The following SMG6 variants were observed in gnomAD, a reference collection of about 807,000 sequenced individuals.
SMG6 encodes the protein SMG6 nonsense mediated mRNA decay factor, also known as telomerase-binding protein EST1A.
SMG6 carries 66 observed loss-of-function variants against 142.2 expected under a neutral mutation model. That is an observed-to-expected ratio of 0.46 (90% confidence interval 0.38 to 0.57). The LOEUF is 0.57. SMG6 is among the 20% of genes least tolerant of loss of function. The probability of loss-of-function intolerance (pLI) is 0.00; values close to 1 mark genes in which losing one functional copy is unlikely to be tolerated. For synonymous variants in SMG6, 779 were observed against 702.4 expected, an observed-to-expected ratio of 1.11 and a Z score of -1.72; for missense variants, 1,793 against 1,832.0, an observed-to-expected ratio of 0.98 and a Z score of 0.39.
chr17:2,258,407 A>G (rs1293324542), intron 8 of SMG6, among the ~76,000 whole-genome samples: 2 of 151,836 alleles, frequency 1.3e-5, no homozygotes, highest in Admixed American at 6.6e-5. Context: ...ATCACAAAAA[A>G]ATTAGCTGGG....
At chr17:2,236,354 AG>A in intron 10 of SMG6, 137 bp downstream of exon 10, 1 of 688,000 alleles carries the variant, frequency 1.5e-6, no homozygotes, top group South Asian at 2.4e-5. Context: ...AGACAATGGT[AG>A]GAAGCGTAGG....
At chr17:2,160,946 G>C (rs2071157440) in intron 13 of SMG6, among the ~76,000 whole-genome samples, 1 of 151,988 alleles carries the variant, frequency 6.6e-6, no homozygotes, top group Non-Finnish European at 1.5e-5. Flanking sequence ...AAAAGTACCA[G>C]GGCAGAAGTT....
intron 13 of SMG6, among the ~76,000 whole-genome samples, chr17:2,148,238 T>C (rs567870139): frequency 1.2e-4 from 18 of 152,222 alleles, no homozygotes; most frequent in South Asian, 8.3e-4. Context: ...AGAGCAACCA[T>C]AGGATTCAGC....
intron 10 of SMG6, among the ~76,000 whole-genome samples, chr17:2,205,099 C>T (rs117756797): frequency 0.023 from 3,469 of 152,064 alleles, 61 homozygotes; most frequent in Non-Finnish European, 0.033. Context: ...GACTGAGTCT[C>T]GCTTTGTCAC....
At chr17:2,194,621 G>A (rs572330963) in intron 10 of SMG6, among the ~76,000 whole-genome samples, 2 of 151,776 alleles carry the variant, frequency 1.3e-5, no homozygotes, top group East Asian at 1.9e-4. Flanking sequence ...GCTGAGGCAG[G>A]AGGACTGCTT....
intron 8 of SMG6, chr17:2,266,107 CCACT>C (rs1272590562): frequency 2.0e-6 from 2 of 985,246 alleles, no homozygotes; most frequent in South Asian, 4.7e-5. Context: ...ACCATGCGTG[CCACT>C]CAAAGTCTTT....
chr17:2,218,862 T>C (rs1485901406), intron 10 of SMG6, among the ~76,000 whole-genome samples: 2 of 152,148 alleles, frequency 1.3e-5, no homozygotes, highest in Non-Finnish European at 2.9e-5. Context: ...GTTCACTGAC[T>C]GTAACAAATG....
At chr17:2,090,182 CAAAA>C (rs71150849) in intron 13 of SMG6, among the ~76,000 whole-genome samples, 6 of 96,660 alleles carry the variant, frequency 6.2e-5, no homozygotes, top group Admixed American at 2.4e-4. Flanking sequence ...GACTCTGTCT[CAAAA>C]AAAAAAAAAA....
intron 15 of SMG6, among the ~76,000 whole-genome samples, chr17:2,078,530 C>T (rs534941433): frequency 5.3e-4 from 81 of 152,182 alleles, no homozygotes; most frequent in African/African-American, 2.0e-3. Flanking sequence ...CGCCACAACA[C>T]TCAGCTAGTT....
chr17:2,072,386 T>G (rs1030428404), intron 15 of SMG6, among the ~76,000 whole-genome samples: 2 of 152,134 alleles, frequency 1.3e-5, no homozygotes, highest in Non-Finnish European at 2.9e-5. Context: ...AGGACCCAAG[T>G]TGGCATAAAA....
intron 13 of SMG6, among the ~76,000 whole-genome samples, chr17:2,123,904 C>T (rs2069784548): frequency 6.6e-6 from 1 of 152,230 alleles, no homozygotes; most frequent in Non-Finnish European, 1.5e-5. Flanking sequence ...GAAGAGAGTG[C>T]TATCTGCTCA....
chr17:2,299,259 G>A lies in SMG6; in HGVS notation c.1494C>T (p.Tyr498=), dbSNP rs1215502399. The A allele has an allele frequency of 1.2e-5, 20 of 1,613,964 alleles. No individual in the cohort carries two copies. Among genetic ancestry groups the A allele is most frequent in the Non-Finnish European group, 1.6e-5 (19 of 1,180,034 alleles). ...WGDSRQAQAS[Y]YKFQNSDNPY... is the part of the protein sequence containing the mutation. Reference sequence around the variant, plus strand: ...GGTTGTCAGAGTTTTGAAACTTATAGTAAGATGCCTGAGCCTGGCGTGAGT... The same window carrying A: ...GGTTGTCAGAGTTTTGAAACTTATAATAAGATGCCTGAGCCTGGCGTGAGT... The change falls in exon 2 of 19, where the codon TAC becomes TAT. Residue 498 remains tyrosine, a synonymous_variant. Transcript: ENST00000263073. This position sits in a 1 kb window ranked among gnomAD's most constrained non-coding sequence, Gnocchi z 4.3.
intron 8 of SMG6, among the ~76,000 whole-genome samples, chr17:2,278,058 A>T (rs1004527965): frequency 1.3e-5 from 2 of 152,186 alleles, no homozygotes; most frequent in African/African-American, 4.8e-5. Context: ...TCAAAAAAAA[A>T]TTTTATAATG....
intron 12 of SMG6, among the ~76,000 whole-genome samples, chr17:2,181,751 T>C (rs1018074608): frequency 3.9e-5 from 6 of 152,242 alleles, no homozygotes; most frequent in African/African-American, 1.4e-4. Context: ...TGCCTGTAGA[T>C]TGAGCCCTTG....
At chr17:2,157,868 T>C (rs2071055168) in intron 13 of SMG6, among the ~76,000 whole-genome samples, 1 of 152,186 alleles carries the variant, frequency 6.6e-6, no homozygotes, top group Non-Finnish European at 1.5e-5. Context: ...CAGCTGGGTA[T>C]TGCAATGGCG....
intron 13 of SMG6, among the ~76,000 whole-genome samples, chr17:2,149,728 CA>C (rs1290990094): frequency 6.6e-6 from 1 of 152,180 alleles, no homozygotes; most frequent in Non-Finnish European, 1.5e-5. Flanking sequence ...AGGACTGCTT[CA>C]GTTGTCTTTT....
chr17:2,235,970 T>C (rs1178929597), intron 10 of SMG6: 2 of 152,202 alleles, frequency 1.3e-5, no homozygotes, highest in Admixed American at 6.5e-5. Flanking sequence ...TGGTGGTTTT[T>C]GTGCTTCCAG....
intron 12 of SMG6, among the ~76,000 whole-genome samples, chr17:2,186,256 C>CAAA (rs397771010): frequency 1.8e-5 from 2 of 111,174 alleles, no homozygotes; most frequent in African/African-American, 6.2e-5. Context: ...TACCCTGTTT[C>CAAA]AAAAAAAAAA....
chr17:2,077,087 C>A (rs189994133), intron 15 of SMG6, among the ~76,000 whole-genome samples: 1 of 152,172 alleles, frequency 6.6e-6, no homozygotes, highest in African/African-American at 2.4e-5. Flanking sequence ...GCGTTTTGTA[C>A]GGACGCTCAT....
Sources: gnomAD v4.1 joint callset for allele counts (sites outside exome capture counted in the v4.1 genomes callset) on GRCh38, gnomAD v4.1.1 for gene constraint, Gnocchi (gnomAD v3.1) non-coding constraint, MANE v1.5 for transcripts, NCBI Gene and HGNC (gene_info 2026-07-23, HGNC 2026-07-21) for gene names.